The following NAV3 variants were observed in gnomAD, a reference collection of about 807,000 sequenced individuals.
NAV3 encodes pore membrane and/or filament interacting like protein 1.
A neutral mutation model predicts 244.7 loss-of-function variants in NAV3; 87 were observed. The observed-to-expected ratio is 0.36, with a 90% CI of 0.30 to 0.42. The LOEUF is 0.42. Ranked by LOEUF, NAV3 falls within the 20% of genes least tolerant of loss-of-function variation. The probability of loss-of-function intolerance (pLI) is 1.00; values close to 1 mark genes in which losing one functional copy is unlikely to be tolerated. For synonymous variants in NAV3, 1,126 were observed against 1,042.2 expected (o/e 1.08, Z -1.55); for missense variants, 2,663 against 2,893.3 (o/e 0.92, Z 1.83).
At chr12:78,009,470 A>AAG (rs1566015615) in intron 8 of NAV3, among the ~76,000 whole-genome samples, 1 of 148,442 alleles carries the variant, frequency 6.7e-6, no homozygotes, top group Non-Finnish European at 1.5e-5. Flanking sequence ...AAAAAAAAAA[A>AAG]AGAGAAAAAA....
rs1200836901 is a variant in NAV3, at chr12:77,658,269, A to C, written c.72+86003A>C. On this transcript the variant is annotated intron_variant, in intron 2 of 8. Coordinates refer to the NAV3 transcript ENST00000550042. ...AGCAACTTCAGCAAAGTCTCAGGAT[A>C]CAAACTCAATGTACAAAAATCACAA... Among the ~76,000 whole-genome samples the C allele has an allele frequency of 3.0e-4, 46 of 152,184 alleles. 1 individual carries two copies. Among genetic ancestry groups the C allele is most frequent in the African/African-American group, 1.0e-3 (43 of 41,508 alleles).
intron 1 of NAV3, among the ~76,000 whole-genome samples, chr12:77,914,171 T>G (rs117305669): frequency 6.6e-6 from 1 of 152,112 alleles, no homozygotes; most frequent in Non-Finnish European, 1.5e-5. Context: ...TGCCAATTTT[T>G]AAACTGCCTT....
upstream of NAV3, among the ~76,000 whole-genome samples, chr12:77,826,545 C>T (rs940608575): frequency 2.0e-5 from 3 of 152,116 alleles, no homozygotes; most frequent in African/African-American, 7.2e-5. Context: ...ATCAAGGGTC[C>T]TTTACCAGAT....
intron 2 of NAV3, among the ~76,000 whole-genome samples, chr12:77,737,068 T>A (rs1005655719): frequency 2.4e-4 from 37 of 151,766 alleles, no homozygotes; most frequent in Admixed American, 1.3e-4. Context: ...AAAAGAAAAA[T>A]TTAGCACAAT....
chr12:77,681,783 A>G lies in NAV3; in HGVS notation c.72+109517A>G, dbSNP rs374892305. 9.9e-5 allele frequency among the ~76,000 whole-genome samples: 15 copies of G among 152,250 alleles called. No individual in the cohort carries two copies. The South Asian group carries it at 2.1e-3, about 21-fold the overall frequency. ...ACATCAACCAGGATTTCTCTTTCCA[A>G]TTTATACCTCTCTCTCCCAGAGGAA... On this transcript the variant is annotated intron_variant, in intron 2 of 8. Transcript: ENST00000550042.
At chr12:77,843,619 A>G (rs1394259695) in intron 1 of NAV3, among the ~76,000 whole-genome samples, 2 of 151,792 alleles carry the variant, frequency 1.3e-5, no homozygotes, top group Non-Finnish European at 2.9e-5. Flanking sequence ...TTCCTATTCA[A>G]TATTACCTAG....
At chr12:77,591,104 T>A (rs1184060482) in intron 2 of NAV3, among the ~76,000 whole-genome samples, 2 of 152,164 alleles carry the variant, frequency 1.3e-5, no homozygotes, top group Non-Finnish European at 2.9e-5. Context: ...TGGGAGAAAA[T>A]AAAATATATG....
At chr12:78,060,448 T>TGTGTGG (rs11269547) in intron 12 of NAV3, among the ~76,000 whole-genome samples, 19 of 151,462 alleles carry the variant, frequency 1.3e-4, no homozygotes, top group Non-Finnish European at 1.3e-4. Flanking sequence ...TATACTCTTG[T>TGTGTGG]GTGTGGGTGT....
intron 2 of NAV3, among the ~76,000 whole-genome samples, chr12:77,749,023 G>A (rs1016289456): frequency 4.6e-5 from 7 of 151,986 alleles, no homozygotes; most frequent in African/African-American, 9.7e-5. Context: ...TCTGCAAAGC[G>A]GGAGAAAAAA....
chr12:77,609,353 A>G (rs1565735423), intron 2 of NAV3, among the ~76,000 whole-genome samples: 1 of 152,108 alleles, frequency 6.6e-6, no homozygotes, highest in Non-Finnish European at 1.5e-5. Flanking sequence ...GAGCCTGGCT[A>G]CAAAGCAATA....
chr12:77,892,014 A>G (rs1184801500), intron 1 of NAV3, among the ~76,000 whole-genome samples: 1 of 152,186 alleles, frequency 6.6e-6, no homozygotes, highest in African/African-American at 2.4e-5. Context: ...GGGTTTAGAG[A>G]AATTGACCTA....
In NAV3 at chr12:78,007,380, C is replaced by T. The variant is rs755473996; in HGVS notation, c.1842C>T (p.Val614=). 3.1e-6 allele frequency: 5 copies of T among 1,614,156 alleles called. No homozygotes were observed. The highest frequency in any genetic ancestry group is 4.2e-6 in the Non-Finnish European group (5 of 1,180,030). Residue 614 remains valine, a synonymous_variant, in exon 8 of 40, where the codon GTC becomes GTT. Coordinates refer to ENST00000397909, the MANE Select transcript of NAV3 (RefSeq NM_001024383.2). ...SSGQSTGNGA[V]QLPQQQQHSH... is the part of the protein sequence containing the mutation. ...GGCAGAGCACAGGAAATGGTGCTGT[C>T]CAACTCCCTCAACAGCAGCAACATA... is the stretch of plus-strand genomic sequence containing the variant.
Position 78,147,166 on chromosome 12 carries a change from A to C in NAV3, c.4707+774A>C, listed in dbSNP as rs542433853. Among the ~76,000 whole-genome samples the C allele has an allele frequency of 3.9e-5, 6 of 152,266 alleles. No individual in the cohort carries two copies. The South Asian group carries it at 1.2e-3, about 32-fold the overall frequency. ...TAAAAATAAAATTTGTGCTATGTTT[A>C]AAAATATTTGAAAATTATTGATTAA... On this transcript the variant is annotated intron_variant, in intron 21 of 39. Transcript: ENST00000397909.
intron 7 of NAV3, among the ~76,000 whole-genome samples, chr12:78,006,204 A>G (rs1177066516): frequency 6.6e-6 from 1 of 152,026 alleles, no homozygotes; most frequent in East Asian, 1.9e-4. Context: ...GTCCCCCCAC[A>G]GCCCCCACCC....
chr12:77,948,050 G>A (rs1027666538), intron 3 of NAV3, among the ~76,000 whole-genome samples: 2 of 151,922 alleles, frequency 1.3e-5, no homozygotes, highest in Non-Finnish European at 1.5e-5. Flanking sequence ...AAGTCAATTG[G>A]AACTCTGATT....
intron 22 of NAV3, among the ~76,000 whole-genome samples, chr12:78,149,770 A>G (rs1007273147): frequency 1.9e-4 from 29 of 151,864 alleles, no homozygotes; most frequent in Non-Finnish European, 1.2e-4. Flanking sequence ...GAGTTTTTCT[A>G]TCTCCTAGAC....
At position 78,098,396 on chromosome 12, in the gene NAV3, G is replaced by T. The variant is rs1465997074; in HGVS notation, c.2637-18376G>T. 4.0e-5 allele frequency among the ~76,000 whole-genome samples: 6 copies of T among 151,776 alleles called. No individual in the cohort carries two copies. The South Asian group carries it at 1.0e-3, about 26-fold the overall frequency. On this transcript the variant is annotated intron_variant, in intron 12 of 39. Transcript: ENST00000397909. ...TTACTATAAAACATCAACAAATAGG[G>T]CAGTGGAAAACATGGTAATCACTAA...
chr12:77,700,619 A>G (rs566500968), intron 2 of NAV3, among the ~76,000 whole-genome samples: 1 of 152,198 alleles, frequency 6.6e-6, no homozygotes, highest in African/African-American at 2.4e-5. Context: ...AGGGAAAAAC[A>G]CTTAGTCTTT....
intron 1 of NAV3, among the ~76,000 whole-genome samples, chr12:77,872,485 G>A (rs750190281): frequency 2.6e-5 from 4 of 152,138 alleles, no homozygotes; most frequent in Non-Finnish European, 5.9e-5. Flanking sequence ...AACCTTGAAG[G>A]GTTGGTGTTT....
Sources: allele counts gnomAD v4.1 joint callset (sites outside exome capture counted in the v4.1 genomes callset), GRCh38; gene constraint gnomAD v4.1.1; transcripts MANE v1.5; gene names NCBI Gene and HGNC (gene_info 2026-07-23, HGNC 2026-07-21).